Variants in SIPA1L1 observed in about 807,000 individuals in gnomAD.
SIPA1L1 encodes signal-induced proliferation-associated 1-like protein 1.
In SIPA1L1, 26 loss-of-function variants were observed where a neutral mutation model predicts 162.7. The ratio of observed to expected loss-of-function variants is 0.16; its 90% confidence interval spans 0.12 to 0.22. The LOEUF is 0.22. Among genes scored for constraint, SIPA1L1 ranks in the 10% least tolerant of loss-of-function variants. The pLI, the probability that SIPA1L1 is intolerant of heterozygous loss-of-function variation, is 1.00. For synonymous variants in SIPA1L1, 829 were observed against 837.4 expected (o/e 0.99, Z 0.17); for missense variants, 1,874 against 2,241.0 (o/e 0.84, Z 3.31).
rs767058704 is a variant in SIPA1L1, at chr14:71,685,647, A to G, written c.3374+16A>G. On this transcript the variant is annotated intron_variant, in intron 13 of 23. Transcript: ENST00000381232. ...TAGAGAGGCGGTAAGTGTGCCTTCA[A>G]AGGTTTGCTCTATCTCTCTCTGCCC... The G allele has an allele frequency of 4.3e-6, 7 of 1,613,340 alleles. No homozygotes were observed. Among genetic ancestry groups the G allele is most frequent in the African/African-American group, 1.3e-5 (1 of 75,012 alleles).
At chr14:71,530,138 C>A (rs1279716482) in intron 4 of SIPA1L1, among the ~76,000 whole-genome samples, 4 of 152,154 alleles carry the variant, frequency 2.6e-5, no homozygotes, top group Non-Finnish European at 4.4e-5. Context: ...CACTTAGTCT[C>A]CATTTTATTT....
At chr14:71,534,290 A>G (rs764814137) in intron 4 of SIPA1L1, among the ~76,000 whole-genome samples, 1 of 152,170 alleles carries the variant, frequency 6.6e-6, no homozygotes, top group Non-Finnish European at 1.5e-5. Flanking sequence ...TCATTAGCCA[A>G]TATGTAAATG....
Position 71,588,602 on chromosome 14 carries a change from A to G in SIPA1L1, c.730A>G (p.Ser244Gly). ...SDRGPTPTKL[S>G]DFLITGGGKG... ...TCGAGGTCCAACTCCAACCAAGCTC[A>G]GTGACTTTCTCATTACTGGTGGTGG... The change falls in exon 5 of 24, where the codon AGT (serine) becomes GGT (glycine). Residue 244 changes from serine to glycine, a missense_variant. Coordinates refer to ENST00000381232, the MANE Select transcript of SIPA1L1 (RefSeq NM_001386936.1). This position sits in a 1 kb window ranked among gnomAD's most constrained non-coding sequence, Gnocchi z 4.3. 2.5e-6 allele frequency: 4 copies of G among 1,614,036 alleles called. No individual in the cohort carries two copies. In the South Asian group the frequency reaches 4.4e-5, roughly 18 times the overall value.
intron 17 of SIPA1L1, 114 bp from the exon 18 acceptor site, chr14:71,723,533 T>C: frequency 8.4e-7 from 1 of 1,191,494 alleles, no homozygotes; most frequent in Non-Finnish European, 1.2e-6. Flanking sequence ...CTGTTAATAG[T>C]TCATGAAAAA....
intron 2 of SIPA1L1, among the ~76,000 whole-genome samples, chr14:71,496,464 T>C (rs895337088): frequency 1.3e-5 from 2 of 152,230 alleles, no homozygotes; most frequent in African/African-American, 4.8e-5. Flanking sequence ...TAATTCTTTG[T>C]GATCAGCAAA....
At position 71,362,224 on chromosome 14, in the gene SIPA1L1, T is replaced by C. The variant is rs762823571; in HGVS notation, c.-465+41043T>C. 3.8e-4 allele frequency among the ~76,000 whole-genome samples: 58 copies of C among 152,250 alleles called. 1 individual carries two copies. Among genetic ancestry groups the C allele is most frequent in the African/African-American group, 1.2e-3 (50 of 41,464 alleles). ...GCTCCACAATCAGAGATAGTTTTAA[T>C]GCCCTTGAATTATTTTGTGATTTAG... On this transcript the variant is annotated intron_variant, in intron 2 of 23. Coordinates refer to ENST00000381232, the MANE Select transcript of SIPA1L1 (RefSeq NM_001386936.1).
intron 4 of SIPA1L1, among the ~76,000 whole-genome samples, chr14:71,567,277 T>C (rs778484438): frequency 6.6e-5 from 10 of 152,222 alleles, no homozygotes; most frequent in Admixed American, 2.6e-4. Context: ...GAGAGACTTT[T>C]GCATGTTTCT....
chr14:71,448,024 G>A (rs1360557987), intron 2 of SIPA1L1, among the ~76,000 whole-genome samples: 1 of 152,126 alleles, frequency 6.6e-6, no homozygotes, highest in Admixed American at 6.6e-5. Flanking sequence ...TCTGTTCTGT[G>A]GCCAGAGATA....
chr14:71,464,846 T>C (rs1433643172), intron 2 of SIPA1L1, among the ~76,000 whole-genome samples: 2 of 152,138 alleles, frequency 1.3e-5, no homozygotes, highest in East Asian at 3.9e-4. Flanking sequence ...GCGCACCCCG[T>C]CATGGGTCAC....
At position 71,740,521 on chromosome 14, in the gene SIPA1L1, C is replaced by G. The variant is rs1324745058; in HGVS notation, c.*1360C>G. On this transcript the variant is annotated 3_prime_UTR_variant, in exon 24 of 24. Transcript: ENST00000381232. ...CCCCTCTGCCCTTTCAGTGGCAACT[C>G]TGGTCTAAGGGAACATTCAGCACTC... is the stretch of plus-strand genomic sequence containing the variant. 6.6e-6 allele frequency: 1 copy of G among 152,196 alleles called. No homozygotes were observed. The highest frequency in any genetic ancestry group is 1.5e-5 in the Non-Finnish European group (1 of 68,048). The allele number at this position is 152,196 out of a possible 1,614,324, so 9.4% of individuals were successfully genotyped here.
intron 2 of SIPA1L1, among the ~76,000 whole-genome samples, chr14:71,322,263 A>G (rs959119410): frequency 6.6e-6 from 1 of 152,338 alleles, no homozygotes; most frequent in South Asian, 2.1e-4. Flanking sequence ...TTAAGTGTCA[A>G]CTTTCTCCTG....
At chr14:71,433,279 A>G (rs1282115411) in intron 2 of SIPA1L1, among the ~76,000 whole-genome samples, 1 of 152,140 alleles carries the variant, frequency 6.6e-6, no homozygotes, top group Non-Finnish European at 1.5e-5. Context: ...TATTTGCAAG[A>G]TTAGATTATC....
rs144625084 is a variant in SIPA1L1 at position 71,544,049 on chromosome 14, G to A, written c.-303+14679G>A. Among the ~76,000 whole-genome samples the A allele has an allele frequency of 6.7e-3, 1,002 of 149,566 alleles. 8 individuals are homozygous for A. Among genetic ancestry groups the A allele is most frequent in the African/African-American group, 0.018 (728 of 40,608 alleles). The stretch of plus-strand genomic sequence containing the variant: ...CACATGTATGTATATACACACGCAC[G>A]CACATGTATGTATATACACACGCAC... On this transcript the variant is annotated intron_variant, in intron 4 of 23. Transcript: ENST00000381232.
At chr14:71,603,645 G>A (rs550076351) in intron 5 of SIPA1L1, among the ~76,000 whole-genome samples, 11 of 152,038 alleles carry the variant, frequency 7.2e-5, no homozygotes, top group African/African-American at 2.2e-4. Flanking sequence ...AAATATAGCC[G>A]GGCATAGTGG....
intron 4 of SIPA1L1, among the ~76,000 whole-genome samples, chr14:71,544,397 A>G (rs972347454): frequency 6.6e-5 from 10 of 151,838 alleles, no homozygotes; most frequent in African/African-American, 1.9e-4. Context: ...TATGTATATT[A>G]TGAATACTTT....
At chr14:71,444,021 A>C (rs1448261299) in intron 2 of SIPA1L1, among the ~76,000 whole-genome samples, 2 of 152,206 alleles carry the variant, frequency 1.3e-5, no homozygotes, top group African/African-American at 2.4e-5. Context: ...AAGTCCAGAC[A>C]ATCTTGTTTT....
At chr14:71,567,927 C>T (rs2031072173) in intron 4 of SIPA1L1, among the ~76,000 whole-genome samples, 1 of 152,220 alleles carries the variant, frequency 6.6e-6, no homozygotes, top group African/African-American at 2.4e-5. Flanking sequence ...GTTGCCATGG[C>T]ATTTGTAAAC....
At chr14:71,498,295 A>G (rs1248564834) in intron 2 of SIPA1L1, among the ~76,000 whole-genome samples, 1 of 152,162 alleles carries the variant, frequency 6.6e-6, no homozygotes, top group Non-Finnish European at 1.5e-5. Flanking sequence ...GCTAGCAATG[A>G]CTATTGAGTG....
At chr14:71,324,804 C>T (rs908290757) in intron 2 of SIPA1L1, among the ~76,000 whole-genome samples, 2 of 152,146 alleles carry the variant, frequency 1.3e-5, no homozygotes, top group Non-Finnish European at 2.9e-5. Context: ...GTTTCTGGAC[C>T]ATGGCCAACT....
Sources: allele counts gnomAD v4.1 joint callset (sites outside exome capture counted in the v4.1 genomes callset), GRCh38; gene constraint gnomAD v4.1.1; non-coding constraint Gnocchi (gnomAD v3.1); transcripts MANE v1.5; gene names NCBI Gene and HGNC (gene_info 2026-07-23, HGNC 2026-07-21).